Variants in PRKAR2B observed in about 807,000 individuals in gnomAD.
PRKAR2B encodes cAMP-dependent protein kinase type II-beta regulatory subunit.
Under a neutral mutation model 49.9 loss-of-function variants are expected in PRKAR2B, and 14 were observed. That is an observed-to-expected ratio of 0.28 (90% CI 0.19 to 0.44). The LOEUF (loss-of-function observed/expected upper bound fraction) is 0.44. Ranked by LOEUF, PRKAR2B falls within the 20% of genes least tolerant of loss-of-function variation. The pLI, the probability that PRKAR2B is intolerant of heterozygous loss-of-function variation, is 1.00. For synonymous variants in PRKAR2B, 196 were observed against 197.7 expected (o/e 0.99, Z 0.07); for missense variants, 393 against 537.9 (o/e 0.73, Z 2.67).
rs1794093526 is a variant in PRKAR2B, at chr7:107,064,501, A to G, written c.308-5780A>G. On this transcript the variant is annotated intron_variant, in intron 1 of 10. Coordinates refer to ENST00000265717, the MANE Select transcript of PRKAR2B (RefSeq NM_002736.3). ...TTCTTTGCTGTATAATCAAAAAGGA[A>G]GAAGAAAAGTGGTCTCCCAAGTGCT... Among the ~76,000 whole-genome samples, 5 of 152,294 alleles carry G rather than the reference A, an allele frequency of 3.3e-5. No individual in the cohort carries two copies. The South Asian group carries it at 1.0e-3, about 32-fold the overall frequency.
intron 2 of PRKAR2B, 143 bp from the exon 3 acceptor site, chr7:107,121,809 G>T (rs1584439491): frequency 2.4e-6 from 1 of 418,034 alleles, no homozygotes. Flanking sequence ...ATTTTGGGGG[G>T]TAGACTGCTT....
intron 1 of PRKAR2B, among the ~76,000 whole-genome samples, chr7:107,047,588 A>G (rs1049798055): frequency 1.3e-5 from 2 of 152,172 alleles, no homozygotes; most frequent in Non-Finnish European, 1.5e-5. Flanking sequence ...GAGTGATCCT[A>G]AAAAGTATGA....
At position 107,161,205 on chromosome 7, in the gene PRKAR2B, G is replaced by A. The variant is rs972525813; in HGVS notation, c.*1623G>A. On this transcript the variant is annotated 3_prime_UTR_variant, in exon 11 of 11. Coordinates refer to ENST00000265717, the MANE Select transcript of PRKAR2B (RefSeq NM_002736.3). Reference sequence around the variant, plus strand: ...TGCAAAACCTTCTTGTAGGAAAAGAGAGCTCTCTACATGAAGATGACTTGT... The same window carrying A: ...TGCAAAACCTTCTTGTAGGAAAAGAAAGCTCTCTACATGAAGATGACTTGT... The A allele has an allele frequency of 1.1e-4, 16 of 152,264 alleles. No individual in the cohort carries two copies. Among genetic ancestry groups the A allele is most frequent in the African/African-American group, 3.9e-4 (16 of 41,546 alleles). The allele number at this position is 152,264 out of a possible 1,614,324, so 9.4% of individuals were successfully genotyped here.
At chr7:107,105,425 G>T (rs968777559) in intron 2 of PRKAR2B, among the ~76,000 whole-genome samples, 2 of 152,166 alleles carry the variant, frequency 1.3e-5, no homozygotes, top group Non-Finnish European at 2.9e-5. Context: ...GTGTGGTCCC[G>T]CATGGTACAA....
At chr7:107,072,477 A>G (rs1210988615) in intron 2 of PRKAR2B, among the ~76,000 whole-genome samples, 2 of 152,192 alleles carry the variant, frequency 1.3e-5, no homozygotes, top group Non-Finnish European at 2.9e-5. Flanking sequence ...AAATTATTTA[A>G]TACTTTGAAT....
intron 8 of PRKAR2B, among the ~76,000 whole-genome samples, chr7:107,154,563 G>A (rs1210079415): frequency 2.6e-5 from 4 of 152,106 alleles, no homozygotes; most frequent in Admixed American, 1.3e-4. Context: ...TTACATATTT[G>A]TTGTCTTTTA....
At position 107,159,725 on chromosome 7, in the gene PRKAR2B, A is replaced by G; in HGVS notation, c.*143A>G. ...TTACATTTACAACGTATCAATAAAC[A>G]GTAGTGATTTAATAGTCAATAGGCT... is the stretch of plus-strand genomic sequence containing the variant. On this transcript the variant is annotated 3_prime_UTR_variant, in exon 11 of 11. Transcript: ENST00000265717. 1 of 794,972 alleles carries G rather than the reference A, an allele frequency of 1.3e-6. No individual in the cohort carries two copies. Among genetic ancestry groups the G allele is most frequent in the East Asian group, 2.7e-5 (1 of 37,174 alleles). The allele number at this position is 794,972 out of a possible 1,614,324, so 49.2% of individuals were successfully genotyped here.
At chr7:107,121,259 C>T (rs1795381944) in intron 2 of PRKAR2B, among the ~76,000 whole-genome samples, 1 of 151,910 alleles carries the variant, frequency 6.6e-6, no homozygotes, top group South Asian at 2.1e-4. Flanking sequence ...GAAATATAGA[C>T]AAATATCGAT....
intron 3 of PRKAR2B, among the ~76,000 whole-genome samples, chr7:107,125,845 T>A (rs1795472226): frequency 6.6e-6 from 1 of 151,818 alleles, no homozygotes; most frequent in East Asian, 1.9e-4. Flanking sequence ...TCTTAGCAGT[T>A]TGGGAGGCCA....
At chr7:107,053,527 T>A (rs1241879392) in intron 1 of PRKAR2B, among the ~76,000 whole-genome samples, 4 of 32,460 alleles carry the variant, frequency 1.2e-4, no homozygotes, top group African/African-American at 1.9e-4. Context: ...TTATAAAGAG[T>A]GTGTGTGTGT....
chr7:107,132,953 T>A (rs1012738325), intron 4 of PRKAR2B, among the ~76,000 whole-genome samples: 2 of 152,170 alleles, frequency 1.3e-5, no homozygotes, highest in Non-Finnish European at 2.9e-5. Flanking sequence ...TAGGCCATTT[T>A]CCTCCTGAAA....
At chr7:107,053,520 TAAAG>T (rs1003832258) in intron 1 of PRKAR2B, among the ~76,000 whole-genome samples, 1 of 135,758 alleles carries the variant, frequency 7.4e-6, no homozygotes, top group African/African-American at 2.9e-5. Context: ...TTCTAGATTA[TAAAG>T]AGTGTGTGTG....
At chr7:107,101,425 G>A (rs183839896) in intron 2 of PRKAR2B, among the ~76,000 whole-genome samples, 18 of 152,226 alleles carry the variant, frequency 1.2e-4, no homozygotes, top group South Asian at 1.0e-3. Context: ...CTCTAAGTGC[G>A]CTGTAGCCAC....
intron 2 of PRKAR2B, among the ~76,000 whole-genome samples, chr7:107,114,284 C>T (rs1228595746): frequency 6.7e-6 from 1 of 149,088 alleles, no homozygotes; most frequent in Non-Finnish European, 1.5e-5. Flanking sequence ...AAAAAAATTA[C>T]ACATTACAAA....
chr7:107,103,309 G>C (rs1489878202), intron 2 of PRKAR2B, among the ~76,000 whole-genome samples: 2 of 152,100 alleles, frequency 1.3e-5, no homozygotes, highest in Non-Finnish European at 2.9e-5. Flanking sequence ...CACTTAAAAA[G>C]GAATATTGAG....
intron 10 of PRKAR2B, 40 bp downstream of exon 10, chr7:107,157,364 C>T: frequency 1.9e-6 from 3 of 1,580,734 alleles, no homozygotes; most frequent in Non-Finnish European, 2.6e-6. Flanking sequence ...GCTGGTTGAA[C>T]TTATGTCTGC....
At chr7:107,155,429 C>A (rs980030275) in intron 8 of PRKAR2B, among the ~76,000 whole-genome samples, 1 of 152,094 alleles carries the variant, frequency 6.6e-6, no homozygotes, top group Non-Finnish European at 1.5e-5. Flanking sequence ...GGTTCTAGAT[C>A]CCTGAGGAAT....
At position 107,126,682 on chromosome 7, in the gene PRKAR2B, G is replaced by T. The variant is rs1445569822; in HGVS notation, c.397-1530G>T. Among the ~76,000 whole-genome samples, 3 of 152,158 alleles carry T rather than the reference G, an allele frequency of 2.0e-5. No homozygotes were observed. In the East Asian group the frequency reaches 5.8e-4, roughly 29 times the overall value. ...TGGTTTGAAGTTCTAGATGGATTTT[G>T]TGAAGTGAGAAATGACTTTCTGTTT... On this transcript the variant is annotated intron_variant, in intron 3 of 10. Transcript: ENST00000265717.
intron 8 of PRKAR2B, among the ~76,000 whole-genome samples, chr7:107,155,273 C>T (rs890679061): frequency 1.3e-5 from 2 of 152,140 alleles, no homozygotes; most frequent in Non-Finnish European, 2.9e-5. Context: ...TATTTCAAGG[C>T]CAGGCACAGT....
Sources: allele counts gnomAD v4.1 joint callset (sites outside exome capture counted in the v4.1 genomes callset), GRCh38; gene constraint gnomAD v4.1.1; transcripts MANE v1.5; gene names NCBI Gene and HGNC (gene_info 2026-07-23, HGNC 2026-07-21).